The following SRSF12 variants were observed in gnomAD, a reference collection of about 807,000 sequenced individuals.
SRSF12 encodes the protein serine and arginine rich splicing factor 12, also known as serine/arginine-rich splicing factor 12.
In SRSF12, 21 loss-of-function variants were observed where a neutral mutation model predicts 34.1. The observed-to-expected ratio is 0.62, with a 90% CI of 0.44 to 0.89. SRSF12 has a LOEUF of 0.89. Among genes scored for constraint, SRSF12 ranks in the 40% least tolerant of loss-of-function variants. The pLI is 0.00. For synonymous variants in SRSF12, 111 were observed against 110.8 expected, an observed-to-expected ratio of 1.00 and a Z score of -0.01; for missense variants, 278 against 327.8, an observed-to-expected ratio of 0.85 and a Z score of 1.17.
At position 89,117,913 on chromosome 6, in the gene SRSF12, T is replaced by C. The variant is rs770856791; in HGVS notation, c.-26A>G. ...GACCGCTTCCTCCGTTCCCTCCGGG[T>C]CTGCCCGCGGCCGCTGGACTCGCTC... On this transcript the variant is annotated 5_prime_UTR_variant, in exon 1 of 5. Coordinates refer to ENST00000452027, the MANE Select transcript of SRSF12 (RefSeq NM_080743.5). 15 of 1,553,624 alleles carry C rather than the reference T, an allele frequency of 9.7e-6. No homozygotes were observed. In the East Asian group the frequency reaches 4.0e-4, roughly 42 times the overall value.
At chr6:89,107,073 A>G (rs1196997136) in intron 2 of SRSF12, 81 bp downstream of exon 2, 1 of 1,264,534 alleles carries the variant, frequency 7.9e-7, no homozygotes, top group East Asian at 2.3e-5. Flanking sequence ...TATTAATCTC[A>G]TAACATATGC....
intron 1 of SRSF12, among the ~76,000 whole-genome samples, chr6:89,116,845 ACTCAT>A (rs1769321504): frequency 6.6e-6 from 1 of 152,084 alleles, no homozygotes; most frequent in Non-Finnish European, 1.5e-5. Flanking sequence ...AAATTATAAT[ACTCAT>A]CTCAGATGAC....
chr6:89,109,387 T>C (rs1472520333), intron 1 of SRSF12, among the ~76,000 whole-genome samples: 1 of 152,150 alleles, frequency 6.6e-6, no homozygotes, highest in East Asian at 1.9e-4. Flanking sequence ...TATATTTGCC[T>C]ATCAATGAAA....
At chr6:89,099,408 A>G (rs1768406649) in intron 4 of SRSF12, among the ~76,000 whole-genome samples, 2 of 90,152 alleles carry the variant, frequency 2.2e-5, no homozygotes, top group Non-Finnish European at 5.1e-5. Context: ...CTCTCCATAT[A>G]TATATACATA....
At chr6:89,106,181 C>T (rs983385370) in intron 2 of SRSF12, among the ~76,000 whole-genome samples, 1 of 152,194 alleles carries the variant, frequency 6.6e-6, no homozygotes, top group East Asian at 1.9e-4. Flanking sequence ...AGTGCAATGG[C>T]GCGATCTCAG....
chr6:89,107,093 C>A, intron 2 of SRSF12, 61 bp downstream of exon 2: 1 of 1,351,458 alleles, frequency 7.4e-7, no homozygotes, highest in Non-Finnish European at 1.1e-6. Context: ...CTACTGAATA[C>A]ATATATGTAT....
intron 1 of SRSF12, among the ~76,000 whole-genome samples, chr6:89,113,614 G>C (rs563534119): frequency 6.6e-6 from 1 of 152,102 alleles, no homozygotes; most frequent in Admixed American, 6.6e-5. Flanking sequence ...AGGCCCCAAA[G>C]ATTTTGTTTA....
At chr6:89,099,261 G>A (rs1768397609) in intron 4 of SRSF12, among the ~76,000 whole-genome samples, 1 of 151,424 alleles carries the variant, frequency 6.6e-6, no homozygotes, top group African/African-American at 2.4e-5. Context: ...AAGAAAAAAA[G>A]ATTAAAAAAA....
chr6:89,117,728 C>A (rs959267051), intron 1 of SRSF12, 95 bp downstream of exon 1: 70 of 1,267,744 alleles, frequency 5.5e-5, no homozygotes, highest in Middle Eastern at 5.5e-4. Context: ...CCGCGCAGCT[C>A]CCCCGAGCCT....
chr6:89,107,617 G>C (rs1768857051), intron 1 of SRSF12, among the ~76,000 whole-genome samples: 1 of 152,082 alleles, frequency 6.6e-6, no homozygotes, highest in Non-Finnish European at 1.5e-5. Context: ...TGTAGTCCCA[G>C]CTACTCGGGA....
intron 1 of SRSF12, among the ~76,000 whole-genome samples, chr6:89,112,839 G>A (rs1472353090): frequency 6.6e-6 from 1 of 152,080 alleles, no homozygotes; most frequent in Non-Finnish European, 1.5e-5. Flanking sequence ...TTATAACAAA[G>A]CTGTCCTAGA....
At chr6:89,114,603 TAA>T (rs72183494) in intron 1 of SRSF12, among the ~76,000 whole-genome samples, 42 of 134,064 alleles carry the variant, frequency 3.1e-4, no homozygotes, top group African/African-American at 4.4e-4. Context: ...GTGGCAAAGC[TAA>T]AAAAAAAAAA....
At chr6:89,100,372 C>T (rs1051407160) in intron 4 of SRSF12, among the ~76,000 whole-genome samples, 6 of 152,084 alleles carry the variant, frequency 3.9e-5, no homozygotes, top group Non-Finnish European at 5.9e-5. Flanking sequence ...AATTCAAAGC[C>T]AAAACAAGCA....
chr6:89,115,646 T>TC (rs1369880786), intron 1 of SRSF12, among the ~76,000 whole-genome samples: 3 of 146,930 alleles, frequency 2.0e-5, no homozygotes, highest in Admixed American at 6.8e-5. Context: ...TTTTTTTTTT[T>TC]TTTTTTTGAG....
chr6:89,116,222 G>A (rs570258299), intron 1 of SRSF12, among the ~76,000 whole-genome samples: 11 of 152,154 alleles, frequency 7.2e-5, no homozygotes, highest in Non-Finnish European at 1.6e-4. Flanking sequence ...GCTGGCCCCT[G>A]TGAACCATTA....
At chr6:89,099,869 A>G (rs964296674) in intron 4 of SRSF12, among the ~76,000 whole-genome samples, 1 of 152,128 alleles carries the variant, frequency 6.6e-6, no homozygotes, top group Non-Finnish European at 1.5e-5. Flanking sequence ...CACAACATTT[A>G]TAAAACAACT....
intron 1 of SRSF12, among the ~76,000 whole-genome samples, chr6:89,112,163 G>A (rs1013345235): frequency 1.3e-5 from 2 of 151,914 alleles, no homozygotes; most frequent in Admixed American, 6.6e-5. Flanking sequence ...TGAACCGCCC[G>A]CCTCGGCCTC....
intron 1 of SRSF12, among the ~76,000 whole-genome samples, chr6:89,114,423 G>C (rs1769195151): frequency 6.6e-6 from 1 of 152,138 alleles, no homozygotes; most frequent in South Asian, 2.1e-4. Flanking sequence ...GCAAGACTCT[G>C]TCTCAAAATA....
Position 89,098,391 on chromosome 6 carries a change from T to C in SRSF12, c.*187A>G. ...GTGACATTAGACAAATCATAATTTG[T>C]AGTGTGGGCCCTTTAAATGGAGACC... On this transcript the variant is annotated 3_prime_UTR_variant, in exon 5 of 5. Transcript: ENST00000452027. 1 of 597,302 alleles carries C rather than the reference T, an allele frequency of 1.7e-6. No homozygotes were observed. Among genetic ancestry groups the C allele is most frequent in the East Asian group, 3.3e-5 (1 of 30,056 alleles). 37.0% of individuals were successfully genotyped at this position (597,302 alleles called of 1,614,324 possible). A position where few individuals can be genotyped will look rare whatever the true frequency, so the allele number is the denominator to read the frequency against.
Sources: gnomAD v4.1 joint callset for allele counts (sites outside exome capture counted in the v4.1 genomes callset) on GRCh38, gnomAD v4.1.1 for gene constraint, MANE v1.5 for transcripts, NCBI Gene and HGNC (gene_info 2026-07-23, HGNC 2026-07-21) for gene names.